MUC12: variants seen among roughly 807,000 people sequenced by gnomAD.
MUC12 encodes the protein mucin 12, cell surface associated.
In MUC12, 172 loss-of-function variants were observed where a neutral mutation model predicts 230.8. The observed-to-expected ratio is 0.75, with a 90% CI of 0.66 to 0.85. MUC12 has a LOEUF of 0.85. Among genes scored for constraint, MUC12 ranks in the 40% least tolerant of loss-of-function variants. The pLI is 0.00. For synonymous variants in MUC12, 1,259 were observed against 2,401.9 expected, an observed-to-expected ratio of 0.52 and a Z score of 13.91; for missense variants, 3,506 against 5,920.6, an observed-to-expected ratio of 0.59 and a Z score of 13.38.
At position 100,991,900 on chromosome 7, in the gene MUC12, C is replaced by G. The variant is rs537118254; in HGVS notation, c.1337C>G (p.Ala446Gly). 7.4e-5 allele frequency: 114 copies of G among 1,537,970 alleles called. 1 individual carries two copies. The African/African-American group carries it at 1.2e-3, about 16-fold the overall frequency. Residue 446 changes from alanine (A) to glycine (G), a missense_variant, in exon 2 of 12, where the codon GCA becomes GGA. Ala to Gly is a moderately conservative substitution (Grantham distance 60). Coordinates refer to ENST00000536621, the MANE Select transcript of MUC12 (RefSeq NM_001164462.2). Reference sequence around the variant, plus strand: ...AAAGCATCCCACAGCAGCCCAGATGCAATGGCAACAACAGTCTTACCTGCC... The same window carrying G: ...AAAGCATCCCACAGCAGCCCAGATGGAATGGCAACAACAGTCTTACCTGCC... ...ESKASHSSPD[A>G]MATTVLPAGS...
At chr7:100,988,129 C>T (rs1391468795) in intron 1 of MUC12, among the ~76,000 whole-genome samples, 1 of 151,408 alleles carries the variant, frequency 6.6e-6, no homozygotes, top group Non-Finnish European at 1.5e-5. Flanking sequence ...GTGAAACTGT[C>T]TCTACTAAAA....
At position 100,984,378 on chromosome 7, in the gene MUC12, G is replaced by A. The variant is rs145060385; in HGVS notation, c.68-6253G>A. Among the ~76,000 whole-genome samples, 833 of 150,944 alleles carry A rather than the reference G, an allele frequency of 5.5e-3. 8 individuals are homozygous for A. The highest frequency in any genetic ancestry group is 0.019 in the African/African-American group (786 of 41,096). On this transcript the variant is annotated intron_variant, in intron 1 of 11. Transcript: ENST00000536621. ...TTCAGGCGATTCTCCTGCCCCAGCC[G>A]CCCAAGGAGCTGGGATTACAGGCGC...
intron 3 of MUC12, 70 bp from the exon 4 acceptor site, chr7:101,008,564 G>C (rs761564545): frequency 1.1e-4 from 160 of 1,482,730 alleles, no homozygotes; most frequent in Admixed American, 6.4e-4. Flanking sequence ...CACAGGCAGA[G>C]AATGTATCAA....
At chr7:101,008,788 C>G in intron 4 of MUC12, 27 bp downstream of exon 4, 1 of 1,528,902 alleles carries the variant, frequency 6.5e-7, no homozygotes, top group Non-Finnish European at 8.8e-7. Context: ...CCCAGACACC[C>G]CAGGGTGATG....
intron 1 of MUC12, among the ~76,000 whole-genome samples, chr7:100,987,613 T>C (rs1026575694): frequency 2.0e-5 from 3 of 152,200 alleles, no homozygotes; most frequent in Non-Finnish European, 4.4e-5. Flanking sequence ...CCCTGTTGAA[T>C]GGCTTGGACC....
chr7:101,014,216 C>A (rs576355102), intron 9 of MUC12, 142 bp downstream of exon 9: 13 of 962,808 alleles, frequency 1.4e-5, no homozygotes, highest in East Asian at 2.8e-5. Flanking sequence ...TGCCCAGACC[C>A]TCCCAGCCCT....
intron 4 of MUC12, among the ~76,000 whole-genome samples, 159 bp downstream of exon 4, chr7:101,008,920 C>G (rs954761034): frequency 1.3e-5 from 2 of 152,140 alleles, no homozygotes; most frequent in Non-Finnish European, 2.9e-5. Flanking sequence ...GAGCTTCCAG[C>G]CTTCAGCCCC....
In MUC12 at chr7:100,990,901, C is replaced by G. The variant is rs954737317; in HGVS notation, c.338C>G (p.Pro113Arg). The change falls in exon 2 of 12, where the codon CCC becomes CGC. Residue 113 changes from proline (P) to arginine (R), a missense_variant. Pro to Arg is a moderately radical substitution (Grantham distance 103, BLOSUM62 -2). Coordinates refer to ENST00000536621, the MANE Select transcript of MUC12 (RefSeq NM_001164462.2). ...SVFVGEPKTS[P>R]ITSASMETTA... ...TTTGTTGGAGAACCTAAAACCTCAC[C>G]CATCACTTCAGCCTCAATGGAAACA... 6.5e-7 allele frequency: 1 copy of G among 1,537,854 alleles called. No homozygotes were observed. The highest frequency in any genetic ancestry group is 8.7e-7 in the Non-Finnish European group (1 of 1,147,048).
In MUC12 at chr7:101,004,775, T is replaced by C; in HGVS notation, c.14212T>C (p.Ser4738Pro). ...CACAACACCAGGCCTCAGTGCAAAA[T>C]CTACCATCCTTTACAGTAGCTCCAG... ...TATTPGLSAK[S>P]TILYSSSRSP... The change falls in exon 2 of 12, where the codon TCT becomes CCT. Residue 4738 changes from serine (S) to proline (P), a missense_variant. Transcript: ENST00000536621. The C allele has an allele frequency of 6.5e-7, 1 of 1,537,590 alleles. No homozygotes were observed. Among genetic ancestry groups the C allele is most frequent in the Non-Finnish European group, 8.7e-7 (1 of 1,147,008 alleles).
chr7:100,977,576 G>A (rs1793052295), intron 1 of MUC12, among the ~76,000 whole-genome samples: 1 of 152,100 alleles, frequency 6.6e-6, no homozygotes, highest in Admixed American at 6.5e-5. Flanking sequence ...ATGTCGGTCA[G>A]GCTGGTCTCG....
intron 1 of MUC12, among the ~76,000 whole-genome samples, chr7:100,986,906 T>C (rs1793198616): frequency 6.6e-6 from 1 of 152,136 alleles, no homozygotes; most frequent in Admixed American, 6.6e-5. Flanking sequence ...ATTCTGTGCA[T>C]ATACAATCTG....
chr7:100,991,494 T>A lies in MUC12; in HGVS notation c.931T>A (p.Ser311Thr). The A allele has an allele frequency of 6.5e-7, 1 of 1,537,154 alleles. No individual in the cohort carries two copies. The highest frequency in any genetic ancestry group is 8.7e-7 in the Non-Finnish European group (1 of 1,146,678). ...LSTTYHSSPSSTPTTHFSASS... is the reference protein window; with the variant it reads ...LSTTYHSSPSTTPTTHFSASS... ...TACAACTTATCACAGCAGCCCGAGC[T>A]CAACTCCAACAACCCACTTTTCTGC... is the stretch of plus-strand genomic sequence containing the variant. The change falls in exon 2 of 12, where the codon TCA (serine) becomes ACA (threonine). Residue 311 changes from serine (S) to threonine (T), a missense_variant. Transcript: ENST00000536621.
chr7:101,010,929 C>T (rs1159979646), intron 5 of MUC12, among the ~76,000 whole-genome samples: 1 of 152,036 alleles, frequency 6.6e-6, no homozygotes, highest in Non-Finnish European at 1.5e-5. Context: ...GGATTACAAG[C>T]GTAAGCCACC....
rs1793857502 is a variant in MUC12 at position 101,012,832 on chromosome 7, C to T, written c.15417C>T (p.Cys5139=). 3.3e-6 allele frequency: 5 copies of T among 1,537,262 alleles called. No homozygotes were observed. The East Asian group carries it at 1.2e-4, about 38-fold the overall frequency. The change falls in exon 7 of 12, where the codon TGC becomes TGT. Residue 5139 remains cysteine, a synonymous_variant. Transcript: ENST00000536621. The part of the protein sequence containing the change: ...DPDSCRKAIL[C]YSEEDTFVDS... ...CACTCTCGGCAGAGGCCATACTGTG[C>T]TATAGTGAAGAGGACACTTTCGTGG...
intron 9 of MUC12, 134 bp downstream of exon 9, chr7:101,014,208 C>G: frequency 1.0e-6 from 1 of 998,424 alleles, no homozygotes; most frequent in Non-Finnish European, 1.4e-6. Flanking sequence ...AGATGGGGTG[C>G]CCAGACCCTC....
At chr7:100,974,984 C>G (rs1363490576) in intron 1 of MUC12, among the ~76,000 whole-genome samples, 2 of 152,422 alleles carry the variant, frequency 1.3e-5, no homozygotes, top group Admixed American at 6.5e-5. Context: ...GCTGTATTGA[C>G]CGGGAGGACA....
rs1793714480 is a variant in MUC12 at position 101,004,896 on chromosome 7, C to G, written c.14333C>G (p.Thr4778Arg). The G allele has an allele frequency of 2.0e-6, 3 of 1,537,734 alleles. No homozygotes were observed. Among genetic ancestry groups the G allele is most frequent in the African/African-American group, 1.4e-5 (1 of 73,028 alleles). The change falls in exon 2 of 12, where the codon ACA becomes AGA. Residue 4778 changes from threonine to arginine, a missense_variant. Physicochemically the swap from Thr to Arg is moderately conservative, Grantham distance 71 (BLOSUM62 -1). Coordinates refer to ENST00000536621, the MANE Select transcript of MUC12 (RefSeq NM_001164462.2). ...TATAGCCAAGCAGAGTCAACACACA[C>G]AACAGCGTTCCCTGCCAGCACCACC... The part of the protein sequence containing the change: ...SLYSQAESTH[T>R]TAFPASTTTS...
chr7:100,987,423 A>G (rs552381757), intron 1 of MUC12, among the ~76,000 whole-genome samples: 1 of 152,276 alleles, frequency 6.6e-6, no homozygotes, highest in Non-Finnish European at 1.5e-5. Flanking sequence ...ACCAGGGTGC[A>G]GGAGGCACTC....
In MUC12 at chr7:100,991,955, C is replaced by G. The variant is rs371399149; in HGVS notation, c.1392C>G (p.Asp464Glu). The change falls in exon 2 of 12, where the codon GAC becomes GAG. Residue 464 changes from aspartate to glutamate, a missense_variant. By Grantham distance (45) the Asp-to-Glu change is conservative. Coordinates refer to ENST00000536621, the MANE Select transcript of MUC12 (RefSeq NM_001164462.2). The stretch of plus-strand genomic sequence containing the variant: ...CTACACCCTCAGTTCTTGTTGGAGA[C>G]TCGACGCCCTCACCCATCAGTTCAG... ...AGSTPSVLVG[D>E]STPSPISSGS... The G allele has an allele frequency of 1.2e-3, 1,881 of 1,537,740 alleles. No individual in the cohort carries two copies. Among genetic ancestry groups the G allele is most frequent in the Middle Eastern group, 9.8e-3 (59 of 5,994 alleles).
Sources: allele counts gnomAD v4.1 joint callset (sites outside exome capture counted in the v4.1 genomes callset), GRCh38; gene constraint gnomAD v4.1.1; transcripts MANE v1.5; gene names NCBI Gene and HGNC (gene_info 2026-07-23, HGNC 2026-07-21).